The following METTL21A variants were observed in gnomAD, a reference collection of about 807,000 sequenced individuals.
METTL21A encodes protein N-lysine methyltransferase METTL21A.
METTL21A carries 22 observed loss-of-function variants against 20.9 expected under a neutral mutation model. The observed-to-expected ratio is 1.05, with a 90% CI of 0.75 to 1.50. METTL21A has a LOEUF of 1.50. Ranked by LOEUF, METTL21A falls within the 40% of genes most tolerant of loss-of-function variation. METTL21A has a pLI of 0.00. For missense variants in METTL21A, 271 were observed against 266.8 expected, an observed-to-expected ratio of 1.02 and a Z score of -0.11; for synonymous variants, 93 against 102.0, an observed-to-expected ratio of 0.91 and a Z score of 0.53.
At chr2:207,582,305 A>G in intron 3 of METTL21A, 2 of 621,814 alleles carry the variant, frequency 3.2e-6, no homozygotes, top group Non-Finnish European at 5.7e-6. Flanking sequence ...AGAATTCATC[A>G]GTAAATCTTG....
intron 3 of METTL21A, among the ~76,000 whole-genome samples, chr2:207,596,259 T>TA (rs1023682487): frequency 6.6e-6 from 1 of 152,210 alleles, no homozygotes; most frequent in African/African-American, 2.4e-5. Context: ...ATGATTAGTT[T>TA]GTAAGATTTT....
intron 3 of METTL21A, among the ~76,000 whole-genome samples, chr2:207,617,648 C>A (rs1247291744): frequency 6.6e-6 from 1 of 152,194 alleles, no homozygotes; most frequent in Non-Finnish European, 1.5e-5. Flanking sequence ...TGTTCAAGCA[C>A]AGGTCATGCC....
At chr2:207,582,815 C>T in intron 3 of METTL21A, 1 of 325,886 alleles carries the variant, frequency 3.1e-6, no homozygotes, top group Middle Eastern at 1.0e-3. Flanking sequence ...ATTGTGCGAA[C>T]CTGGGAGGTG....
chr2:207,609,674 C>G (rs2088643359), downstream of METTL21A: 1 of 151,682 alleles, frequency 6.6e-6, no homozygotes. Context: ...GTTAAGGAAG[C>G]AGGGAAAGCT....
At chr2:207,586,513 T>G (rs1486910882) in intron 3 of METTL21A, among the ~76,000 whole-genome samples, 6 of 152,106 alleles carry the variant, frequency 3.9e-5, no homozygotes, top group Non-Finnish European at 8.8e-5. Context: ...TGGCAAAAAC[T>G]TCATGGCTAA....
chr2:207,623,100 C>T (rs1041469550), intron 2 of METTL21A, among the ~76,000 whole-genome samples: 2 of 152,018 alleles, frequency 1.3e-5, no homozygotes, highest in South Asian at 2.1e-4. Flanking sequence ...GATGGAGTTT[C>T]GCCATGTTGG....
At chr2:207,592,648 C>T (rs937535501) in intron 3 of METTL21A, among the ~76,000 whole-genome samples, 2 of 152,062 alleles carry the variant, frequency 1.3e-5, no homozygotes, top group African/African-American at 4.8e-5. Flanking sequence ...TGGCCAGGTG[C>T]AGTGGCTCAC....
intron 3 of METTL21A, chr2:207,600,911 T>G: frequency 5.0e-6 from 1 of 201,270 alleles, no homozygotes; most frequent in East Asian, 7.7e-5. Context: ...TGAAGTGACT[T>G]CAATCTAGAT....
At chr2:207,608,166 T>C (rs915749203), downstream of METTL21A, among the ~76,000 whole-genome samples, 3 of 152,130 alleles carry the variant, frequency 2.0e-5, no homozygotes, top group African/African-American at 4.8e-5. Flanking sequence ...TGCAGGACCA[T>C]CTCAGCTCTA....
downstream of METTL21A, chr2:207,609,071 G>A (rs2088560181): frequency 6.6e-6 from 1 of 152,200 alleles, no homozygotes; most frequent in Non-Finnish European, 1.5e-5. Flanking sequence ...TCCATTTCAT[G>A]TGTATTAGAA....
At chr2:207,590,083 G>GTTTTTT (rs59126515) in intron 3 of METTL21A, among the ~76,000 whole-genome samples, 5 of 76,142 alleles carry the variant, frequency 6.6e-5, no homozygotes, top group South Asian at 5.7e-4. Context: ...ATTTTGAGAA[G>GTTTTTT]TTTTTTTTTT....
intron 3 of METTL21A, among the ~76,000 whole-genome samples, chr2:207,592,030 C>A (rs1169277494): frequency 6.6e-6 from 1 of 152,104 alleles, no homozygotes; most frequent in Non-Finnish European, 1.5e-5. Flanking sequence ...GAAAATAGAT[C>A]TTCTGGCAAT....
intron 3 of METTL21A, 114 bp from the exon 4 acceptor site, chr2:207,613,557 A>G (rs2089277047): frequency 2.1e-6 from 2 of 945,184 alleles, no homozygotes; most frequent in South Asian, 1.9e-5. Context: ...GATATGCATA[A>G]TATCAATCAC....
chr2:207,625,260 C>T (rs1285946558), intron 1 of METTL21A: 2 of 152,182 alleles, frequency 1.3e-5, no homozygotes, highest in Non-Finnish European at 2.9e-5. Flanking sequence ...CACGCCGGTA[C>T]TTACGGCCCG....
downstream of METTL21A, among the ~76,000 whole-genome samples, chr2:207,606,039 A>G (rs1394237170): frequency 6.6e-6 from 1 of 152,180 alleles, no homozygotes; most frequent in Non-Finnish European, 1.5e-5. Flanking sequence ...TTTTCTTTCT[A>G]ATATCCTCAG....
chr2:207,586,999 A>G (rs906263123), intron 3 of METTL21A, among the ~76,000 whole-genome samples: 1 of 152,218 alleles, frequency 6.6e-6, no homozygotes. Flanking sequence ...GATGCAGAGA[A>G]AGGTGAACTC....
Position 207,593,407 on chromosome 2 carries a change from A to G in METTL21A, c.260-11247T>C, listed in dbSNP as rs147298277. ...TAGCTGGGCATGGTGGTGCATGCCT[A>G]TGGTCCCAGCTGCTGGGGAGGTTGA... is the stretch of plus-strand genomic sequence containing the variant. On this transcript the variant is annotated intron_variant, in intron 3 of 3. Coordinates refer to the METTL21A transcript ENST00000425132. Among the ~76,000 whole-genome samples, 370 of 152,260 alleles carry G rather than the reference A, an allele frequency of 2.4e-3. 2 individuals carry two copies. Among genetic ancestry groups the G allele is most frequent in the African/African-American group, 8.5e-3 (353 of 41,560 alleles).
chr2:207,594,427 TC>T (rs1209250557), intron 3 of METTL21A, among the ~76,000 whole-genome samples: 1 of 152,154 alleles, frequency 6.6e-6, no homozygotes, highest in Non-Finnish European at 1.5e-5. Context: ...AAGTCCTGTT[TC>T]TATGAATTTG....
intron 3 of METTL21A, among the ~76,000 whole-genome samples, chr2:207,617,297 T>C (rs768415247): frequency 1.3e-5 from 2 of 152,058 alleles, no homozygotes; most frequent in Non-Finnish European, 2.9e-5. Context: ...TGTGATGCAG[T>C]GTGGGAAGAA....
Sources: gnomAD v4.1 joint callset for allele counts (sites outside exome capture counted in the v4.1 genomes callset) on GRCh38, gnomAD v4.1.1 for gene constraint, MANE v1.5 for transcripts, NCBI Gene and HGNC (gene_info 2026-07-23, HGNC 2026-07-21) for gene names.